Variants in FHIT observed in about 807,000 individuals in gnomAD.
FHIT encodes bis(5'-adenosyl)-triphosphatase.
In FHIT, 19 loss-of-function variants were observed where a neutral mutation model predicts 17.9. That is an observed-to-expected ratio of 1.06 (90% confidence interval 0.74 to 1.56). FHIT has a LOEUF of 1.56. Ranked by LOEUF, FHIT falls within the 40% of genes most tolerant of loss-of-function variation. The pLI, the probability that FHIT is intolerant of heterozygous loss-of-function variation, is 0.00. For missense variants in FHIT, 248 were observed against 189.2 expected (o/e 1.31, Z -1.82); for synonymous variants, 81 against 69.7 (o/e 1.16, Z -0.81).
chr3:60,844,511 T>A (rs868930124), intron 3 of FHIT, among the ~76,000 whole-genome samples: 16 of 151,784 alleles, frequency 1.1e-4, no homozygotes, highest in South Asian at 2.1e-4. Flanking sequence ...TCTATTTTTT[T>A]AAAAAAAAAT....
intron 1 of FHIT, among the ~76,000 whole-genome samples, chr3:61,234,132 A>G (rs761250961): frequency 2.6e-4 from 39 of 152,298 alleles, no homozygotes; most frequent in Non-Finnish European, 4.9e-4. Flanking sequence ...CTGGCTCTGT[A>G]TTCTCTTCTC....
chr3:60,556,173 G>T (rs778742222), intron 4 of FHIT, among the ~76,000 whole-genome samples: 1 of 152,082 alleles, frequency 6.6e-6, no homozygotes, highest in African/African-American at 2.4e-5. Flanking sequence ...TGGGTGATCC[G>T]TCTATATACA....
intron 5 of FHIT, among the ~76,000 whole-genome samples, chr3:60,112,959 C>G (rs1704744874): frequency 1.3e-5 from 2 of 152,176 alleles, no homozygotes; most frequent in African/African-American, 2.4e-5. Flanking sequence ...ATGCTATGGG[C>G]TGATTGGCTC....
intron 4 of FHIT, among the ~76,000 whole-genome samples, chr3:60,571,172 C>T (rs569717529): frequency 6.6e-6 from 1 of 151,654 alleles, no homozygotes; most frequent in Non-Finnish European, 1.5e-5. Flanking sequence ...CCCGTCTCTA[C>T]TAAAAATACA....
At chr3:60,109,993 T>A in intron 5 of FHIT, among the ~76,000 whole-genome samples, 1 of 152,154 alleles carries the variant, frequency 6.6e-6, no homozygotes. Flanking sequence ...GTAAAGGAGT[T>A]TTCTTTTCGA....
chr3:60,721,234 T>A (rs1207551284), intron 4 of FHIT, among the ~76,000 whole-genome samples: 20 of 152,116 alleles, frequency 1.3e-4, no homozygotes, highest in African/African-American at 4.8e-4. Flanking sequence ...ATTTGGAGTG[T>A]CAAGAGACCA....
At chr3:60,418,467 C>G (rs1702348016) in intron 5 of FHIT, among the ~76,000 whole-genome samples, 1 of 134,660 alleles carries the variant, frequency 7.4e-6, no homozygotes, top group Non-Finnish European at 1.6e-5. Context: ...ACAGCCCTTA[C>G]CAAGGTATTT....
intron 7 of FHIT, among the ~76,000 whole-genome samples, chr3:59,929,698 G>A (rs1203216397): frequency 6.6e-6 from 1 of 152,026 alleles, no homozygotes; most frequent in South Asian, 2.1e-4. Context: ...GTAACAATAA[G>A]ATTGTTTCCA....
intron 4 of FHIT, among the ~76,000 whole-genome samples, chr3:60,706,400 A>G (rs9838669): frequency 0.11 from 16,908 of 152,218 alleles, 2,054 homozygotes; most frequent in African/African-American, 0.3. Context: ...AACTTTAAGT[A>G]AAAAAGAAAA....
At chr3:59,851,249 T>C (rs573049028) in intron 8 of FHIT, among the ~76,000 whole-genome samples, 1 of 152,342 alleles carries the variant, frequency 6.6e-6, no homozygotes, top group East Asian at 1.9e-4. Context: ...TCATTAATTA[T>C]TAACTAACTA....
At chr3:60,669,161 A>G (rs1284620548) in intron 4 of FHIT, among the ~76,000 whole-genome samples, 4 of 152,336 alleles carry the variant, frequency 2.6e-5, no homozygotes, top group African/African-American at 9.6e-5. Flanking sequence ...CTTATACATG[A>G]ATGAATGTTC....
chr3:60,260,978 CCCAACCCTCAGCTCCGGGAATTG>C (rs776391151), intron 5 of FHIT, among the ~76,000 whole-genome samples: 13 of 151,960 alleles, frequency 8.6e-5, no homozygotes, highest in Non-Finnish European at 1.9e-4. Context: ...AGAGGAGGAA[CCCAACCCTCAGCTCCGGGAATTG>C]CCAACCCCAT....
chr3:60,648,441 C>T (rs558652051), intron 4 of FHIT, among the ~76,000 whole-genome samples: 56 of 152,120 alleles, frequency 3.7e-4, no homozygotes, highest in Admixed American at 6.5e-4. Context: ...GTGCGTGGTA[C>T]TTTATCTCCC....
intron 4 of FHIT, among the ~76,000 whole-genome samples, chr3:60,736,090 A>C (rs781951324): frequency 2.0e-5 from 3 of 152,194 alleles, no homozygotes; most frequent in Non-Finnish European, 2.9e-5. Flanking sequence ...TCAGCTCTAC[A>C]ATGATACCAC....
At chr3:60,552,630 A>G (rs1263538809) in intron 4 of FHIT, among the ~76,000 whole-genome samples, 1 of 152,114 alleles carries the variant, frequency 6.6e-6, no homozygotes, top group African/African-American at 2.4e-5. Context: ...CAGCCTGTTC[A>G]TTGCCAACTT....
At chr3:60,030,652 G>A (rs1700960987) in intron 5 of FHIT, among the ~76,000 whole-genome samples, 1 of 152,142 alleles carries the variant, frequency 6.6e-6, no homozygotes, top group African/African-American at 2.4e-5. Context: ...CTTCTCAGCT[G>A]TATTCTACCT....
intron 5 of FHIT, among the ~76,000 whole-genome samples, chr3:60,287,743 A>G (rs1218062287): frequency 6.6e-6 from 1 of 152,130 alleles, no homozygotes; most frequent in Non-Finnish European, 1.5e-5. Flanking sequence ...AAGGAAAAGG[A>G]AAAGAAAGGA....
chr3:60,480,990 C>T (rs1226178170), intron 5 of FHIT, among the ~76,000 whole-genome samples: 1 of 152,218 alleles, frequency 6.6e-6, no homozygotes, highest in Non-Finnish European at 1.5e-5. Context: ...CACATTTCCC[C>T]TTTGTACTGC....
At chr3:60,405,442 C>T (rs1005496730) in intron 5 of FHIT, among the ~76,000 whole-genome samples, 1 of 152,208 alleles carries the variant, frequency 6.6e-6, no homozygotes, top group African/African-American at 2.4e-5. Flanking sequence ...TGACCCCTCT[C>T]CACTGAAAGC....
Sources: gnomAD v4.1 joint callset for allele counts (sites outside exome capture counted in the v4.1 genomes callset) on GRCh38, gnomAD v4.1.1 for gene constraint, MANE v1.5 for transcripts, NCBI Gene and HGNC (gene_info 2026-07-23, HGNC 2026-07-21) for gene names.